KAZN: variants seen among roughly 807,000 people sequenced by gnomAD.
KAZN encodes the protein kazrin, periplakin interacting protein.
KAZN carries 40 observed loss-of-function variants against 87.4 expected under a neutral mutation model. That is an observed-to-expected ratio of 0.46 (90% confidence interval 0.36 to 0.60). The LOEUF is 0.60. KAZN is among the 20% of genes least tolerant of loss of function. The pLI, the probability that KAZN is intolerant of heterozygous loss-of-function variation, is 0.00. For missense variants in KAZN, 898 were observed against 1,073.9 expected (o/e 0.84, Z 2.29); for synonymous variants, 466 against 458.3 (o/e 1.02, Z -0.22).
At chr1:14,999,517 T>TCCCCCCCCCCC (rs1557701638) in intron 2 of KAZN, among the ~76,000 whole-genome samples, 4 of 80,992 alleles carry the variant, frequency 4.9e-5, no homozygotes, top group African/African-American at 2.0e-4. Flanking sequence ...CGCCCCGCCA[T>TCCCCCCCCCCC]CCAGACCTTG....
In KAZN at chr1:14,820,587, C is replaced by T. The variant is rs3795756; in HGVS notation, c.227-140097C>T. ...ACGTGGGGTTTTCCACTCTCGCCCACAGTGAGTTGGCAATGCCTGGCCACG... is the reference window on the plus strand; with the variant it reads ...ACGTGGGGTTTTCCACTCTCGCCCATAGTGAGTTGGCAATGCCTGGCCACG... On this transcript the variant is annotated intron_variant, in intron 1 of 14. Coordinates refer to ENST00000376030, the MANE Select transcript of KAZN (RefSeq NM_201628.3). This position sits in a 1 kb window ranked among gnomAD's most constrained non-coding sequence, Gnocchi z 4.1. Among the ~76,000 whole-genome samples, 37,106 of 152,172 alleles carry T rather than the reference C, an allele frequency of 0.24. 4,949 individuals are homozygous for T. The highest frequency in any genetic ancestry group is 0.34 in the African/African-American group (13,920 of 41,492).
intron 1 of KAZN, among the ~76,000 whole-genome samples, chr1:13,983,882 T>A (rs1638879451): frequency 6.6e-6 from 1 of 152,150 alleles, no homozygotes; most frequent in African/African-American, 2.4e-5. Context: ...GGTGTGTGGG[T>A]TGAAGGTGGG....
chr1:14,393,290 A>C (rs981873665), intron 2 of KAZN, among the ~76,000 whole-genome samples: 3 of 152,214 alleles, frequency 2.0e-5, no homozygotes, highest in Admixed American at 6.5e-5. Flanking sequence ...GAGAACGCTG[A>C]AGTCACTTCT....
Position 15,109,777 on chromosome 1 carries a change from A to G in KAZN, c.2049-2650A>G, listed in dbSNP as rs111367117. On this transcript the variant is annotated intron_variant, in intron 13 of 14. Transcript: ENST00000376030. ...TATGTTTGTGTCTGTATGTCTGTGT[A>G]TATATGTGTTTGTGTGTATGTGTAT... Among the ~76,000 whole-genome samples, 23 of 70,870 alleles carry G rather than the reference A, an allele frequency of 3.2e-4. 1 individual carries two copies. In the South Asian group the frequency reaches 4.6e-3, roughly 14 times the overall value. The allele number at this position is 70,870 out of a possible 152,430, so 46.5% of individuals were successfully genotyped here.
chr1:14,275,216 G>A (rs1297327652), intron 2 of KAZN, among the ~76,000 whole-genome samples: 1 of 152,088 alleles, frequency 6.6e-6, no homozygotes, highest in African/African-American at 2.4e-5. Flanking sequence ...CCAGTATTTG[G>A]TATTTATTAT....
chr1:14,627,435 C>T (rs531270327), intron 1 of KAZN, among the ~76,000 whole-genome samples: 12 of 151,992 alleles, frequency 7.9e-5, no homozygotes, highest in Non-Finnish European at 1.5e-4. Context: ...TTGCAGCTGG[C>T]GAGCTGGGAG....
In KAZN at chr1:15,111,020, A is replaced by G. The variant is rs561645751; in HGVS notation, c.2049-1407A>G. ...AGCTGCTTCCCCACTGGACCTGGGG[A>G]ATTTCGCCTCCAGGTGGAGCAGAGG... On this transcript the variant is annotated intron_variant, in intron 13 of 14. Transcript: ENST00000376030. 1.4e-4 allele frequency among the ~76,000 whole-genome samples: 22 copies of G among 152,210 alleles called. No individual in the cohort carries two copies. In the East Asian group the frequency reaches 3.5e-3, roughly 24 times the overall value.
intron 2 of KAZN, among the ~76,000 whole-genome samples, chr1:14,224,221 T>A (rs947851444): frequency 6.6e-6 from 1 of 152,036 alleles, no homozygotes; most frequent in African/African-American, 2.4e-5. Flanking sequence ...TCAGATTTCA[T>A]AAAGGCCAAA....
intron 1 of KAZN, among the ~76,000 whole-genome samples, chr1:14,618,977 G>A: frequency 6.6e-6 from 1 of 152,136 alleles, no homozygotes; most frequent in Non-Finnish European, 1.5e-5. Flanking sequence ...TTTGCTGCAG[G>A]ATACAGACAC....
intron 1 of KAZN, among the ~76,000 whole-genome samples, chr1:14,748,197 A>G (rs975930048): frequency 6.6e-6 from 1 of 151,868 alleles, no homozygotes; most frequent in Non-Finnish European, 1.5e-5. Context: ...ATTCTGCTAG[A>G]TTTTCTCCCA....
At chr1:14,738,206 G>A (rs1318160436) in intron 1 of KAZN, among the ~76,000 whole-genome samples, 1 of 152,146 alleles carries the variant, frequency 6.6e-6, no homozygotes, top group African/African-American at 2.4e-5. Flanking sequence ...ATCTCAGCTA[G>A]AGAATCCCAA....
chr1:14,551,911 A>ATT (rs1673547134), intron 2 of KAZN, among the ~76,000 whole-genome samples: 1 of 152,154 alleles, frequency 6.6e-6, no homozygotes, highest in African/African-American at 2.4e-5. Flanking sequence ...AAGCAGCCTG[A>ATT]TGTCATGTAC....
Position 15,066,721 on chromosome 1 carries a change from T to C in KAZN, c.1222+968T>C. ...TGACTTGTCTGTTCTGTTACCATGC[T>C]GCTACCCAACTGTGCAAAGTAGTTT... On this transcript the variant is annotated intron_variant, in intron 8 of 14. Coordinates refer to ENST00000376030, the MANE Select transcript of KAZN (RefSeq NM_201628.3). The surrounding 1 kb of genome is among the most constrained non-coding windows in gnomAD (Gnocchi z 4.3). 1 of 985,464 alleles carries C rather than the reference T, an allele frequency of 1.0e-6. No individual in the cohort carries two copies. Among genetic ancestry groups the C allele is most frequent in the Non-Finnish European group, 1.2e-6 (1 of 829,940 alleles). 61.0% of individuals were successfully genotyped at this position (985,464 alleles called of 1,614,324 possible).
chr1:14,690,770 G>C (rs543439028), intron 1 of KAZN, among the ~76,000 whole-genome samples: 6 of 152,210 alleles, frequency 3.9e-5, no homozygotes, highest in Non-Finnish European at 8.8e-5. Flanking sequence ...ATTCATTCAA[G>C]AAGACTGACT....
intron 2 of KAZN, among the ~76,000 whole-genome samples, chr1:14,302,156 C>T (rs966491606): frequency 1.7e-4 from 26 of 152,128 alleles, no homozygotes; most frequent in African/African-American, 6.0e-4. Context: ...TCTCTATTTC[C>T]GAACTGACAG....
At position 14,377,245 on chromosome 1, in the gene KAZN, G is replaced by A. The variant is rs373619968; in HGVS notation, c.249+196653G>A. Among the ~76,000 whole-genome samples, 32 of 152,266 alleles carry A rather than the reference G, an allele frequency of 2.1e-4. No individual in the cohort carries two copies. In the South Asian group the frequency reaches 6.4e-3, roughly 31 times the overall value. Reference sequence around the variant, plus strand: ...CCCACCCTTAAGGTCTTTTTAACTGGTAATTGGTTTCCTATCCATCAATCG... The same window carrying A: ...CCCACCCTTAAGGTCTTTTTAACTGATAATTGGTTTCCTATCCATCAATCG... On this transcript the variant is annotated intron_variant, in intron 2 of 16. Transcript: ENST00000636203.
At chr1:14,229,355 T>C (rs1647592727) in intron 2 of KAZN, among the ~76,000 whole-genome samples, 1 of 152,234 alleles carries the variant, frequency 6.6e-6, no homozygotes, top group Admixed American at 6.5e-5. Flanking sequence ...TTCGAGTGCT[T>C]CGTGAAAATA....
chr1:15,048,403 A>T lies in KAZN; in HGVS notation c.726+4244A>T, dbSNP rs151140345. 5.8e-3 allele frequency among the ~76,000 whole-genome samples: 878 copies of T among 150,982 alleles called. 5 individuals carry two copies. The highest frequency in any genetic ancestry group is 0.042 in the South Asian group (201 of 4,742). ...CTTCTCTGTAACCACACTGGCCCCA[A>T]GGGACCGCATGTGTGTGTATGTGTG... is the stretch of plus-strand genomic sequence containing the variant. On this transcript the variant is annotated intron_variant, in intron 4 of 14. Coordinates refer to ENST00000376030, the MANE Select transcript of KAZN (RefSeq NM_201628.3).
At chr1:14,264,744 A>G (rs1557603139) in intron 2 of KAZN, among the ~76,000 whole-genome samples, 1 of 152,234 alleles carries the variant, frequency 6.6e-6, no homozygotes, top group Non-Finnish European at 1.5e-5. Flanking sequence ...AAAACAGACT[A>G]CGACAGTGGA....
Sources: gnomAD v4.1 joint callset for allele counts (sites outside exome capture counted in the v4.1 genomes callset) on GRCh38, gnomAD v4.1.1 for gene constraint, Gnocchi (gnomAD v3.1) non-coding constraint, MANE v1.5 for transcripts, NCBI Gene and HGNC (gene_info 2026-07-23, HGNC 2026-07-21) for gene names.